The following MAD1L1 variants were observed in gnomAD, a reference collection of about 807,000 sequenced individuals.
MAD1L1 encodes the protein mitotic spindle assembly checkpoint protein MAD1.
Under a neutral mutation model 96.9 loss-of-function variants are expected in MAD1L1, and 95 were observed. That is an observed-to-expected ratio of 0.98 (90% CI 0.83 to 1.16). MAD1L1 has a LOEUF of 1.16. Among genes scored for constraint, MAD1L1 ranks in the 50% most tolerant of loss-of-function variants. The pLI is 0.00. For synonymous variants in MAD1L1, 473 were observed against 396.6 expected (o/e 1.19, Z -2.29); for missense variants, 1,007 against 954.4 (o/e 1.06, Z -0.73).
Position 2,222,688 on chromosome 7 carries a change from C to A in MAD1L1, c.358G>T (p.Ala120Ser). The A allele has an allele frequency of 6.2e-7, 1 of 1,612,188 alleles. No individual in the cohort carries two copies. Among genetic ancestry groups the A allele is most frequent in the Middle Eastern group, 1.7e-4 (1 of 6,060 alleles). Residue 120 changes from alanine (A) to serine (S), a missense_variant, in exon 5 of 19, where the codon GCG becomes TCG. Ala to Ser is a moderately conservative substitution (Grantham distance 99). Coordinates refer to ENST00000265854, the MANE Select transcript of MAD1L1 (RefSeq NM_001013836.2). ...AGCTGCTCCTGCATCTTCTCCTCCG[C>A]CCCGGCCTCCCGCTCCTGAAGCTGC... ...IRQLQEREAGAEEKMQEQLER... is the reference protein window; with the variant it reads ...IRQLQEREAGSEEKMQEQLER...
Position 1,875,957 on chromosome 7 carries a change from CG to C in MAD1L1, c.1998+22242del, listed in dbSNP as rs1268910496. ...AAAGGTCACACAGGAATACAAGGGG[CG>C]GCCGTCCACAAGCCGGGAGGAGAGT... On this transcript the variant is annotated intron_variant, in intron 18 of 18. Coordinates refer to ENST00000265854, the MANE Select transcript of MAD1L1 (RefSeq NM_001013836.2). Among the ~76,000 whole-genome samples the C allele has an allele frequency of 3.3e-5, 5 of 152,206 alleles. No individual in the cohort carries two copies. In the East Asian group the frequency reaches 9.6e-4, roughly 29 times the overall value.
At chr7:2,075,620 A>G (rs539817875) in intron 11 of MAD1L1, among the ~76,000 whole-genome samples, 1 of 151,992 alleles carries the variant, frequency 6.6e-6, no homozygotes, top group South Asian at 2.1e-4. Context: ...GCCAGCCTCT[A>G]CTCAAAGAAC....
intron 18 of MAD1L1, among the ~76,000 whole-genome samples, chr7:1,869,796 G>C (rs1784955140): frequency 6.6e-6 from 1 of 152,186 alleles, no homozygotes; most frequent in African/African-American, 2.4e-5. Flanking sequence ...GTCCCTGCAG[G>C]AGGTGATGCC....
In MAD1L1 at chr7:1,815,978, C is replaced by T. The variant is rs1781773332; in HGVS notation, c.*92G>A. Reference sequence around the variant, plus strand: ...CTGCTGCCCTGTGGGGCTGGAGAGGCAGGACGTGCACCCAGCCTGTGGCTG... The same window carrying T: ...CTGCTGCCCTGTGGGGCTGGAGAGGTAGGACGTGCACCCAGCCTGTGGCTG... On this transcript the variant is annotated 3_prime_UTR_variant, in exon 19 of 19. Coordinates refer to ENST00000265854, the MANE Select transcript of MAD1L1 (RefSeq NM_001013836.2). 11 of 1,400,794 alleles carry T rather than the reference C, an allele frequency of 7.9e-6. No homozygotes were observed. In the Admixed American group the frequency reaches 2.4e-4, roughly 30 times the overall value. 86.8% of individuals were successfully genotyped at this position (1,400,794 alleles called of 1,614,324 possible).
At chr7:2,058,898 C>T (rs1254363498) in intron 12 of MAD1L1, among the ~76,000 whole-genome samples, 1 of 50,088 alleles carries the variant, frequency 2.0e-5, no homozygotes. Context: ...GGGAGTGTGG[C>T]CAGGGGAGAG....
intron 18 of MAD1L1, among the ~76,000 whole-genome samples, chr7:1,833,926 G>A (rs1023052375): frequency 6.6e-6 from 1 of 152,206 alleles, no homozygotes; most frequent in Non-Finnish European, 1.5e-5. Context: ...CAGCCTGGGT[G>A]ACAGAATGAG....
intron 18 of MAD1L1, among the ~76,000 whole-genome samples, chr7:1,887,366 G>A (rs543615823): frequency 4.0e-5 from 6 of 150,958 alleles, no homozygotes; most frequent in African/African-American, 1.2e-4. Context: ...CATGTGTGTG[G>A]GTGGCTGTGC....
intron 18 of MAD1L1, among the ~76,000 whole-genome samples, chr7:1,874,985 C>T (rs373598681): frequency 1.3e-5 from 2 of 152,166 alleles, no homozygotes; most frequent in East Asian, 3.9e-4. Context: ...CCAGGGCAGG[C>T]ATACTCCGAG....
chr7:1,997,595 C>T (rs1409590816), intron 14 of MAD1L1, among the ~76,000 whole-genome samples: 1 of 152,276 alleles, frequency 6.6e-6, no homozygotes, highest in Non-Finnish European at 1.5e-5. Context: ...CCAGAGACCC[C>T]CTTCAGACAG....
intron 18 of MAD1L1, among the ~76,000 whole-genome samples, chr7:1,860,978 AC>A (rs1784516788): frequency 1.3e-5 from 2 of 152,114 alleles, no homozygotes; most frequent in Admixed American, 1.3e-4. Flanking sequence ...AGGTGGTTGT[AC>A]CAGCAGCTGC....
intron 18 of MAD1L1, among the ~76,000 whole-genome samples, chr7:1,884,560 C>G (rs1037995297): frequency 6.6e-6 from 1 of 152,376 alleles, no homozygotes; most frequent in African/African-American, 2.4e-5. Flanking sequence ...ATCTTCCTGC[C>G]TCTCAGCCCA....
chr7:2,098,816 G>A (rs945024747), intron 11 of MAD1L1, among the ~76,000 whole-genome samples: 39 of 152,188 alleles, frequency 2.6e-4, no homozygotes, highest in African/African-American at 8.0e-4. Flanking sequence ...AAGGCCCGGC[G>A]TCCCCAGAGG....
At chr7:2,086,445 G>A (rs188507578) in intron 11 of MAD1L1, among the ~76,000 whole-genome samples, 6 of 152,346 alleles carry the variant, frequency 3.9e-5, no homozygotes, top group South Asian at 2.1e-4. Flanking sequence ...CAAGGAGCAC[G>A]ACAGAGACAG....
chr7:2,133,934 CTG>C (rs1788635190), intron 11 of MAD1L1, among the ~76,000 whole-genome samples: 1 of 152,212 alleles, frequency 6.6e-6, no homozygotes, highest in South Asian at 2.1e-4. Flanking sequence ...ACCTTGATCA[CTG>C]TGGTTTTACG....
At chr7:2,020,833 T>C (rs896606305) in intron 12 of MAD1L1, among the ~76,000 whole-genome samples, 1 of 150,310 alleles carries the variant, frequency 6.7e-6, no homozygotes, top group African/African-American at 2.5e-5. Context: ...ATCTCAAGAA[T>C]GAATAACTTA....
intron 12 of MAD1L1, among the ~76,000 whole-genome samples, chr7:2,032,317 C>T (rs1783263709): frequency 6.6e-6 from 1 of 152,214 alleles, no homozygotes; most frequent in Non-Finnish European, 1.5e-5. Context: ...CAGGGGAAGG[C>T]GCGCGCCCCA....
chr7:2,000,884 G>A (rs190805281), intron 14 of MAD1L1, among the ~76,000 whole-genome samples: 75 of 152,292 alleles, frequency 4.9e-4, no homozygotes, highest in Middle Eastern at 3.4e-3. Context: ...TCTCTGCGCC[G>A]CTGGGCAGCT....
intron 18 of MAD1L1, among the ~76,000 whole-genome samples, chr7:1,878,741 C>CG (rs1375855572): frequency 7.0e-6 from 1 of 142,640 alleles, no homozygotes; most frequent in African/African-American, 2.5e-5. Flanking sequence ...TCCCCCCCCC[C>CG]CCATTCTTAT....
intron 11 of MAD1L1, among the ~76,000 whole-genome samples, chr7:2,079,099 G>C (rs1785512180): frequency 6.6e-6 from 1 of 152,358 alleles, no homozygotes; most frequent in East Asian, 1.9e-4. Context: ...TCGGGTTCAA[G>C]TCCACGTGGC....
Sources: gnomAD v4.1 joint callset for allele counts (sites outside exome capture counted in the v4.1 genomes callset) on GRCh38, gnomAD v4.1.1 for gene constraint, MANE v1.5 for transcripts, NCBI Gene and HGNC (gene_info 2026-07-23, HGNC 2026-07-21) for gene names.